GABRB3: variants seen among roughly 807,000 people sequenced by gnomAD.
The protein encoded by GABRB3 is gamma-aminobutyric acid receptor subunit beta-3.
In GABRB3, 14 loss-of-function variants were observed where a neutral mutation model predicts 52.1. The observed-to-expected ratio is 0.27, with a 90% CI of 0.18 to 0.42. The LOEUF (loss-of-function observed/expected upper bound fraction) is 0.42, where lower values mean the gene tolerates loss of function less well. Ranked by LOEUF, GABRB3 falls within the 10% of genes least tolerant of loss-of-function variation. GABRB3 has a pLI of 1.00. For missense variants in GABRB3, 307 were observed against 609.1 expected (o/e 0.50, Z 5.22); for synonymous variants, 260 against 232.3 (o/e 1.12, Z -1.08).
chr15:26,757,523 TCA>T (rs1890696882), intron 3 of GABRB3, among the ~76,000 whole-genome samples: 1 of 152,158 alleles, frequency 6.6e-6, no homozygotes, highest in Non-Finnish European at 1.5e-5. Flanking sequence ...CAAACTATCA[TCA>T]CTTGGATTTA....
At chr15:26,638,133 T>C (rs1180008931) in intron 3 of GABRB3, among the ~76,000 whole-genome samples, 1 of 152,248 alleles carries the variant, frequency 6.6e-6, no homozygotes, top group African/African-American at 2.4e-5. Context: ...ATCATATTTC[T>C]GGACACTGAA....
intron 4 of GABRB3, among the ~76,000 whole-genome samples, chr15:26,589,552 G>A (rs1891117542): frequency 6.6e-6 from 1 of 152,198 alleles, no homozygotes; most frequent in Admixed American, 6.5e-5. Context: ...TGTATGCCAA[G>A]GTCCTGGACC....
intron 3 of GABRB3, among the ~76,000 whole-genome samples, chr15:26,730,230 T>C (rs900797966): frequency 3.3e-5 from 5 of 152,042 alleles, no homozygotes; most frequent in Non-Finnish European, 7.4e-5. Context: ...GCCCCTGGAT[T>C]AATTGAATAA....
chr15:26,698,232 A>G (rs529524243), intron 3 of GABRB3, among the ~76,000 whole-genome samples: 276 of 152,356 alleles, frequency 1.8e-3, no homozygotes, highest in African/African-American at 6.4e-3. Context: ...TGCCTCTGAG[A>G]ATTAGAAACA....
chr15:26,726,852 G>C (rs933087231), intron 3 of GABRB3, among the ~76,000 whole-genome samples: 9 of 152,090 alleles, frequency 5.9e-5, no homozygotes, highest in African/African-American at 2.2e-4. Flanking sequence ...GATTGTGCAG[G>C]TATTTTATTT....
rs1409365256 is a variant in GABRB3, at chr15:26,546,415, T to C, written c.*1378A>G. 6.6e-6 allele frequency: 1 copy of C among 152,570 alleles called. No individual in the cohort carries two copies. Among genetic ancestry groups the C allele is most frequent in the Non-Finnish European group, 1.5e-5 (1 of 68,038 alleles). The allele number at this position is 152,570 out of a possible 1,614,324, so 9.5% of individuals were successfully genotyped here. A position where few individuals can be genotyped will look rare whatever the true frequency, so the allele number is the denominator to read the frequency against. On this transcript the variant is annotated 3_prime_UTR_variant, in exon 9 of 9. Transcript: ENST00000311550. ...GAGCTTTAAAAAGTCCAAATACTGA[T>C]GAGGCTGTGGATCAGAAGGAACCAA...
chr15:26,686,328 A>T (rs557184189), intron 3 of GABRB3, among the ~76,000 whole-genome samples: 14 of 152,222 alleles, frequency 9.2e-5, no homozygotes, highest in Non-Finnish European at 1.9e-4. Flanking sequence ...CTGGATATAA[A>T]AATAGATTTT....
intron 6 of GABRB3, among the ~76,000 whole-genome samples, chr15:26,568,339 TCTTGCCCA>T (rs1338119100): frequency 1.3e-5 from 2 of 152,146 alleles, no homozygotes; most frequent in Admixed American, 6.5e-5. Flanking sequence ...CTGTCTGCCT[TCTTGCCCA>T]TGAGTCCCAG....
chr15:26,636,657 A>G (rs1893070197), intron 3 of GABRB3, among the ~76,000 whole-genome samples: 1 of 152,022 alleles, frequency 6.6e-6, no homozygotes, highest in South Asian at 2.1e-4. Context: ...TTTAAATCAA[A>G]CTCCAGAATC....
chr15:26,554,610 TG>T (rs1889684153), intron 8 of GABRB3, among the ~76,000 whole-genome samples: 1 of 152,162 alleles, frequency 6.6e-6, no homozygotes, highest in African/African-American at 2.4e-5. Context: ...CTCTCCAGTG[TG>T]ACCAAATCCA....
intron 3 of GABRB3, among the ~76,000 whole-genome samples, chr15:26,623,652 T>C (rs541213495): frequency 1.4e-4 from 22 of 152,210 alleles, no homozygotes; most frequent in Admixed American, 3.3e-4. Flanking sequence ...CCTCTTTTAC[T>C]GAGCTTGCAC....
intron 6 of GABRB3, among the ~76,000 whole-genome samples, chr15:26,573,990 G>A (rs1466039523): frequency 6.6e-6 from 1 of 152,198 alleles, no homozygotes; most frequent in African/African-American, 2.4e-5. Flanking sequence ...GATTGAGGCT[G>A]CAGTGAGCCA....
chr15:26,612,610 A>G (rs1480559895), intron 4 of GABRB3: 1 of 152,206 alleles, frequency 6.6e-6, no homozygotes, highest in Non-Finnish European at 1.5e-5. Flanking sequence ...TAAAAGCCAT[A>G]AACAAAGACA....
chr15:26,557,970 A>G (rs1889819085), intron 8 of GABRB3: 1 of 152,204 alleles, frequency 6.6e-6, no homozygotes, highest in African/African-American at 2.4e-5. Flanking sequence ...TGACTGTTTT[A>G]AACAGTCACA....
At chr15:26,693,162 C>G (rs547185412) in intron 3 of GABRB3, among the ~76,000 whole-genome samples, 57 of 152,146 alleles carry the variant, frequency 3.7e-4, no homozygotes, top group Admixed American at 1.3e-3. Context: ...TTCTAAAGAG[C>G]CTTTGTACAT....
chr15:26,572,969 G>C (rs1450924184), intron 6 of GABRB3, among the ~76,000 whole-genome samples: 1 of 152,166 alleles, frequency 6.6e-6, no homozygotes, highest in Non-Finnish European at 1.5e-5. Context: ...CTCTAATCCA[G>C]CCTGAATTTA....
At chr15:26,635,679 G>A (rs142457189) in intron 3 of GABRB3, among the ~76,000 whole-genome samples, 82 of 152,106 alleles carry the variant, frequency 5.4e-4, no homozygotes, top group African/African-American at 1.8e-3. Flanking sequence ...TCTTAAGACC[G>A]CTCCCATACC....
At chr15:26,655,454 C>T (rs1052101209) in intron 3 of GABRB3, among the ~76,000 whole-genome samples, 37 of 152,088 alleles carry the variant, frequency 2.4e-4, no homozygotes, top group African/African-American at 8.7e-4. Context: ...GAAAAACCCT[C>T]GGTTTAGGCC....
intron 3 of GABRB3, among the ~76,000 whole-genome samples, chr15:26,728,691 T>A (rs150321413): frequency 0.018 from 2,704 of 152,332 alleles, 70 homozygotes; most frequent in African/African-American, 0.061. Context: ...ACGTATTTCA[T>A]CTTTCATGAC....
Sources: gnomAD v4.1 joint callset for allele counts (sites outside exome capture counted in the v4.1 genomes callset) on GRCh38, gnomAD v4.1.1 for gene constraint, MANE v1.5 for transcripts, NCBI Gene and HGNC (gene_info 2026-07-23, HGNC 2026-07-21) for gene names.